The following SGCG variants were observed in gnomAD, a reference collection of about 807,000 sequenced individuals.
SGCG encodes the protein sarcoglycan gamma.
SGCG carries 26 observed loss-of-function variants against 29.3 expected under a neutral mutation model. The ratio of observed to expected loss-of-function variants is 0.89; its 90% CI spans 0.65 to 1.23. The LOEUF (loss-of-function observed/expected upper bound fraction) is 1.23. Ranked by LOEUF, SGCG falls within the 50% of genes most tolerant of loss-of-function variation. SGCG has a pLI of 0.00. For synonymous variants in SGCG, 145 were observed against 129.7 expected, an observed-to-expected ratio of 1.12 and a Z score of -0.80; for missense variants, 353 against 356.0, an observed-to-expected ratio of 0.99 and a Z score of 0.07.
intron 1 of SGCG, among the ~76,000 whole-genome samples, chr13:23,183,549 C>T (rs926261879): frequency 3.3e-5 from 5 of 152,088 alleles, no homozygotes; most frequent in Non-Finnish European, 5.9e-5. Flanking sequence ...CCTGCCTATC[C>T]CTAGTGGTAA....
At chr13:23,279,554 T>G (rs1881222531) in intron 5 of SGCG, 76 bp downstream of exon 5, 2 of 1,434,670 alleles carry the variant, frequency 1.4e-6, no homozygotes, top group Admixed American at 1.7e-5. Context: ...TATTGACAAG[T>G]TTATGTGGAA....
At chr13:23,199,128 T>C (rs1049148449) in intron 1 of SGCG, among the ~76,000 whole-genome samples, 1 of 151,038 alleles carries the variant, frequency 6.6e-6, no homozygotes, top group African/African-American at 2.4e-5. Flanking sequence ...AAAAATTAAA[T>C]ATAGCACCAA....
At chr13:23,249,022 A>G (rs1321261077) in intron 3 of SGCG, among the ~76,000 whole-genome samples, 10 of 151,318 alleles carry the variant, frequency 6.6e-5, no homozygotes, top group Admixed American at 5.9e-4. Context: ...ACAAACCTCA[A>G]TTTTCATTTA....
the SGCG span, among the ~76,000 whole-genome samples, chr13:23,174,886 T>G: frequency 2.0e-5 from 3 of 151,496 alleles, no homozygotes; most frequent in Non-Finnish European, 4.4e-5. Flanking sequence ...TGGAATGGAA[T>G]GGAATCAGCT....
At chr13:23,310,354 G>A (rs1159115305) in intron 6 of SGCG, among the ~76,000 whole-genome samples, 1 of 151,972 alleles carries the variant, frequency 6.6e-6, no homozygotes, top group Non-Finnish European at 1.5e-5. Flanking sequence ...CCAAAGTGCT[G>A]GGATTACAGG....
chr13:23,219,677 G>C (rs1387279344), intron 2 of SGCG, among the ~76,000 whole-genome samples: 1 of 151,690 alleles, frequency 6.6e-6, no homozygotes, highest in Non-Finnish European at 1.5e-5. Flanking sequence ...TCATTAATCT[G>C]ATTTGATCAT....
At chr13:23,214,924 G>T (rs1878369364) in intron 2 of SGCG, among the ~76,000 whole-genome samples, 1 of 152,136 alleles carries the variant, frequency 6.6e-6, no homozygotes, top group African/African-American at 2.4e-5. Context: ...TAAACCTAAA[G>T]CTATTCCAAG....
At chr13:23,171,302 G>A in the SGCG span, among the ~76,000 whole-genome samples, 1 of 151,962 alleles carries the variant, frequency 6.6e-6, no homozygotes, top group Non-Finnish European at 1.5e-5. Context: ...ACCTTAAATG[G>A]GAGATAGTAT....
At chr13:23,228,289 T>G (rs539050500) in intron 2 of SGCG, among the ~76,000 whole-genome samples, 20 of 152,190 alleles carry the variant, frequency 1.3e-4, no homozygotes, top group Non-Finnish European at 2.9e-4. Flanking sequence ...TGTAAAAAAC[T>G]AAACAAAAAG....
chr13:23,240,143 C>T (rs976179625), intron 3 of SGCG, among the ~76,000 whole-genome samples: 3 of 152,092 alleles, frequency 2.0e-5, no homozygotes, highest in African/African-American at 7.2e-5. Context: ...CTATACTATA[C>T]TAACACTAAT....
chr13:23,182,147 C>T (rs889097763), intron 1 of SGCG, among the ~76,000 whole-genome samples: 1 of 152,126 alleles, frequency 6.6e-6, no homozygotes, highest in African/African-American at 2.4e-5. Flanking sequence ...GAAATTGTTC[C>T]ATATTGTCCT....
chr13:23,269,793 G>A (rs1053760522), intron 4 of SGCG, among the ~76,000 whole-genome samples: 10 of 146,756 alleles, frequency 6.8e-5, no homozygotes, highest in Non-Finnish European at 1.3e-4. Flanking sequence ...TGTTCTCACT[G>A]TTGTGCAGTT....
intron 5 of SGCG, among the ~76,000 whole-genome samples, chr13:23,292,365 C>T (rs570548974): frequency 1.4e-4 from 22 of 152,354 alleles, no homozygotes; most frequent in African/African-American, 4.8e-4. Flanking sequence ...CTGCCTTGGC[C>T]TCCCAAAGTG....
chr13:23,300,859 T>G (rs1882131104), intron 6 of SGCG, among the ~76,000 whole-genome samples: 1 of 147,694 alleles, frequency 6.8e-6, no homozygotes, highest in African/African-American at 2.5e-5. Flanking sequence ...CTCACGCCTG[T>G]AATCCCAGCA....
At chr13:23,200,161 G>A (rs2137495253) in intron 1 of SGCG, among the ~76,000 whole-genome samples, 1 of 152,294 alleles carries the variant, frequency 6.6e-6, no homozygotes, top group East Asian at 1.9e-4. Context: ...GGTGGTGCAT[G>A]CCTGTAATCC....
intron 1 of SGCG, among the ~76,000 whole-genome samples, chr13:23,198,845 CAAA>C (rs34460964): frequency 1.8e-5 from 2 of 111,474 alleles, no homozygotes. Context: ...GACTCCATCT[CAAA>C]AAAAAAAAAA....
intron 4 of SGCG, among the ~76,000 whole-genome samples, chr13:23,274,811 T>A (rs1490396247): frequency 6.6e-6 from 1 of 152,140 alleles, no homozygotes; most frequent in African/African-American, 2.4e-5. Flanking sequence ...AGCGTGGTCA[T>A]CAGCCACCCA....
At chr13:23,267,370 G>T (rs78500043) in intron 4 of SGCG, 1 of 152,184 alleles carries the variant, frequency 6.6e-6, no homozygotes, top group Admixed American at 6.5e-5. Flanking sequence ...AAATTACAAC[G>T]AAATCAACCC....
the SGCG span, among the ~76,000 whole-genome samples, chr13:23,171,507 A>G: frequency 6.6e-6 from 1 of 152,204 alleles, no homozygotes; most frequent in Non-Finnish European, 1.5e-5. Flanking sequence ...AGAGTACAGG[A>G]TATCAGCCAA....
Sources: allele counts gnomAD v4.1 joint callset (sites outside exome capture counted in the v4.1 genomes callset), GRCh38; gene constraint gnomAD v4.1.1; transcripts MANE v1.5; gene names NCBI Gene and HGNC (gene_info 2026-07-23, HGNC 2026-07-21).